The following CTPS2 variants were observed in gnomAD, a reference collection of about 807,000 sequenced individuals.
CTPS2 encodes CTP synthase II.
CTPS2 carries 19 observed loss-of-function variants against 46.8 expected under a neutral mutation model. That is an observed-to-expected ratio of 0.41 (90% CI 0.28 to 0.60). The LOEUF is 0.60. Among genes scored for constraint, CTPS2 ranks in the 20% least tolerant of loss-of-function variants. The pLI is 0.35. For missense variants in CTPS2, 286 were observed against 447.6 expected (o/e 0.64, Z 3.26); for synonymous variants, 151 against 165.2 (o/e 0.91, Z 0.66).
chrX:16,705,095 G>A (rs1435349804), intron 1 of CTPS2, among the ~76,000 whole-genome samples: 4 of 109,096 alleles, frequency 3.7e-5, no homozygotes, highest in Admixed American at 1.0e-4. Flanking sequence ...AGGGTGTATG[G>A]GAACTCTGTA....
Position 16,601,884 on chromosome X carries a change from G to A in CTPS2, c.1691+7657C>T, listed in dbSNP as rs111887428. Among the ~76,000 whole-genome samples, 424 of 111,880 alleles carry A rather than the reference G, an allele frequency of 3.8e-3. 1 individual carries two copies. The highest frequency in any genetic ancestry group is 5.3e-3 in the Admixed American group (56 of 10,540). On this transcript the variant is annotated intron_variant, in intron 17 of 18. Transcript: ENST00000359276. ...TTTATAAAGAAAGCAATGCACAGAA[G>A]AGCAAGGTCACAGCCAGCTGGGAAG... is the stretch of plus-strand genomic sequence containing the variant.
At chrX:16,632,236 A>C (rs1220341013) in intron 14 of CTPS2, among the ~76,000 whole-genome samples, 3 of 111,419 alleles carry the variant, frequency 2.7e-5, no homozygotes, top group African/African-American at 9.8e-5. Flanking sequence ...CAGGAGTTAA[A>C]GACCAGCCTG....
chrX:16,638,782 T>C (rs772828813), intron 14 of CTPS2: 9 of 363,378 alleles, frequency 2.5e-5, no homozygotes, highest in Admixed American at 2.3e-4. Context: ...GGTTCAAATG[T>C]AATGGAGAGA....
intron 16 of CTPS2, among the ~76,000 whole-genome samples, chrX:16,612,059 T>C (rs778829818): frequency 4.5e-5 from 5 of 112,028 alleles, no homozygotes; most frequent in Admixed American, 9.5e-5. Flanking sequence ...AGGGACAGAC[T>C]ATGTGAATGA....
In CTPS2 at chrX:16,604,026, A is replaced by C. The variant is rs182481594; in HGVS notation, c.1691+5515T>G. ...GGCTTCAGGTGTGTACTTCCTTTAA[A>C]GACTCTCTTATTACAAAGTAGTTTC... On this transcript the variant is annotated intron_variant, in intron 17 of 18. Coordinates refer to ENST00000359276, the MANE Select transcript of CTPS2 (RefSeq NM_175859.3). 3.4e-3 allele frequency among the ~76,000 whole-genome samples: 378 copies of C among 111,612 alleles called. 2 individuals are homozygous for C. The highest frequency in any genetic ancestry group is 0.011 in the African/African-American group (328 of 30,696).
At chrX:16,688,930 C>T (rs1265238785) in intron 8 of CTPS2, among the ~76,000 whole-genome samples, 1 of 95,796 alleles carries the variant, frequency 1.0e-5, no homozygotes, top group South Asian at 4.7e-4. Context: ...CCCGTCTCTA[C>T]AAAAAAAAAA....
intron 13 of CTPS2, chrX:16,654,490 T>C: frequency 8.5e-7 from 1 of 1,174,807 alleles, no homozygotes. Flanking sequence ...CAAGTATTAG[T>C]AAAAAAGATA....
At chrX:16,695,846 C>T (rs749590236) in intron 4 of CTPS2, among the ~76,000 whole-genome samples, 1 of 109,434 alleles carries the variant, frequency 9.1e-6, no homozygotes, top group South Asian at 3.9e-4. Flanking sequence ...CCACCACACC[C>T]GGCCCTTTTT....
chrX:16,663,501 T>C (rs66871697), intron 13 of CTPS2, among the ~76,000 whole-genome samples: 13,874 of 110,723 alleles, frequency 0.13, 649 homozygotes, highest in East Asian at 0.16. Flanking sequence ...TAAGTGGGTA[T>C]ACACACACAA....
chrX:16,679,186 C>T (rs1329783349), intron 9 of CTPS2, among the ~76,000 whole-genome samples: 4 of 109,827 alleles, frequency 3.6e-5, no homozygotes, highest in African/African-American at 6.6e-5. Flanking sequence ...GGCAAAACCC[C>T]GTCTCTACTA....
intron 17 of CTPS2, among the ~76,000 whole-genome samples, chrX:16,596,075 T>C (rs1045562647): frequency 1.8e-5 from 2 of 111,669 alleles, no homozygotes; most frequent in African/African-American, 6.5e-5. Flanking sequence ...GGTCTCACTA[T>C]GTTGCCCAGG....
intron 4 of CTPS2, among the ~76,000 whole-genome samples, chrX:16,695,979 T>G (rs1834100590): frequency 8.9e-6 from 1 of 112,152 alleles, no homozygotes; most frequent in South Asian, 3.6e-4. Context: ...GCCTCCCAAG[T>G]AGCTGGGACT....
intron 9 of CTPS2, among the ~76,000 whole-genome samples, chrX:16,679,468 C>A (rs1347661098): frequency 9.0e-6 from 1 of 111,703 alleles, no homozygotes; most frequent in East Asian, 2.8e-4. Flanking sequence ...CTCTGGGACC[C>A]TCAAAAAAGG....
intron 8 of CTPS2, among the ~76,000 whole-genome samples, chrX:16,688,355 G>A (rs188614419): frequency 1.8e-3 from 195 of 109,136 alleles, no homozygotes; most frequent in African/African-American, 6.1e-3. Context: ...AGCCAAGATC[G>A]CACCACTGCA....
chrX:16,674,355 G>T (rs1187375448), intron 10 of CTPS2, among the ~76,000 whole-genome samples: 2 of 109,510 alleles, frequency 1.8e-5, no homozygotes, highest in Non-Finnish European at 3.8e-5. Flanking sequence ...TAGAGACGGG[G>T]TTTCACCATG....
chrX:16,639,212 T>G lies in CTPS2; in HGVS notation c.1328A>C (p.Asn443Thr), dbSNP rs746750078. 1.7e-6 allele frequency: 2 copies of G among 1,209,114 alleles called. No homozygotes were observed. ...TCCCAGTCTCATTGTTCCTCCCAAA[T>G]TGCCAGGGTTGTGCTCGGGCATATC... ...VIDMPEHNPG[N>T]LGGTMRLGIR... The change falls in exon 14 of 19, where the codon AAT becomes ACT. Residue 443 changes from asparagine to threonine, a missense_variant. Coordinates refer to ENST00000359276, the MANE Select transcript of CTPS2 (RefSeq NM_175859.3).
chrX:16,635,852 T>C (rs1470354596), intron 14 of CTPS2, among the ~76,000 whole-genome samples: 2 of 111,648 alleles, frequency 1.8e-5, no homozygotes, highest in Non-Finnish European at 3.8e-5. Context: ...CACATACTTC[T>C]TGGAAACTAT....
intron 11 of CTPS2, among the ~76,000 whole-genome samples, chrX:16,669,195 G>A (rs936651648): frequency 4.5e-5 from 5 of 110,972 alleles, no homozygotes; most frequent in African/African-American, 6.6e-5. Context: ...GATGAAGGAA[G>A]GCAGACCTGT....
At chrX:16,632,625 T>C (rs1211570524) in intron 14 of CTPS2, among the ~76,000 whole-genome samples, 1 of 111,128 alleles carries the variant, frequency 9.0e-6, no homozygotes, top group Non-Finnish European at 1.9e-5. Flanking sequence ...GGTTTCACCA[T>C]GATAGCCAGG....
Sources: allele counts gnomAD v4.1 joint callset (sites outside exome capture counted in the v4.1 genomes callset), GRCh38; gene constraint gnomAD v4.1.1; transcripts MANE v1.5; gene names NCBI Gene and HGNC (gene_info 2026-07-23, HGNC 2026-07-21).